The following WDR45B variants were observed in gnomAD, a reference collection of about 807,000 sequenced individuals.
WDR45B encodes the protein WD repeat domain 45B.
In WDR45B, 20 loss-of-function variants were observed where a neutral mutation model predicts 44.6. The observed-to-expected ratio is 0.45, with a 90% CI of 0.32 to 0.65. The LOEUF (loss-of-function observed/expected upper bound fraction) is 0.65. Among genes scored for constraint, WDR45B ranks in the 30% least tolerant of loss-of-function variants. The pLI is 0.05. For missense variants in WDR45B, 323 were observed against 430.2 expected, an observed-to-expected ratio of 0.75 and a Z score of 2.20; for synonymous variants, 169 against 164.9, an observed-to-expected ratio of 1.02 and a Z score of -0.19.
At chr17:82,621,509 C>A in intron 6 of WDR45B, 100 bp downstream of exon 6, 1 of 1,515,916 alleles carries the variant, frequency 6.6e-7, no homozygotes, top group Non-Finnish European at 9.1e-7. Flanking sequence ...CAGGTTGGGG[C>A]AGGCCCACTG....
Position 82,648,400 on chromosome 17 carries a change from G to GCCTGGTCCCTTCGGGCCGGCGC in WDR45B, c.-82_-61dup. On this transcript the variant is annotated 5_prime_UTR_variant, in exon 1 of 10. Transcript: ENST00000392325. ...TGCATGCCTCTCGCTGGGGACGGCG[G>GCCTGGTCCCTTCGGGCCGGCGC]CCTGGTCCCTTCGGGCCGGCGCTGA... 2 of 1,577,542 alleles carry GCCTGGTCCCTTCGGGCCGGCGC rather than the reference G, an allele frequency of 1.3e-6. No homozygotes were observed. Among genetic ancestry groups the GCCTGGTCCCTTCGGGCCGGCGC allele is most frequent in the South Asian group, 2.3e-5 (2 of 87,444 alleles).
chr17:82,640,184 A>C (rs1160131715), intron 2 of WDR45B, among the ~76,000 whole-genome samples: 1 of 152,084 alleles, frequency 6.6e-6, no homozygotes, highest in African/African-American at 2.4e-5. Flanking sequence ...CTCAGAGCCC[A>C]CAGTCTCCTT....
intron 3 of WDR45B, chr17:82,629,864 T>C: frequency 1.0e-6 from 1 of 985,258 alleles, no homozygotes; most frequent in Non-Finnish European, 1.2e-6. Flanking sequence ...CAGATCCTAG[T>C]TCACCCACTC....
intron 2 of WDR45B, among the ~76,000 whole-genome samples, chr17:82,641,264 C>A (rs1170990466): frequency 1.3e-5 from 2 of 152,086 alleles, no homozygotes; most frequent in Non-Finnish European, 2.9e-5. Flanking sequence ...ACCGTGCGGG[C>A]CGTCAAACTC....
chr17:82,647,939 G>A (rs1598284473), intron 1 of WDR45B, among the ~76,000 whole-genome samples: 2 of 149,050 alleles, frequency 1.3e-5, no homozygotes, highest in East Asian at 4.1e-4. Flanking sequence ...CGCGGGGAGG[G>A]GCGTCCGCGC....
At chr17:82,627,319 G>A (rs760549730) in intron 3 of WDR45B, 28 bp from the exon 4 acceptor site, 1 of 1,552,158 alleles carries the variant, frequency 6.4e-7, no homozygotes, top group South Asian at 1.1e-5. Flanking sequence ...AAAGATGAAT[G>A]CAGTCATCAG....
At chr17:82,631,585 TACA>T (rs2143321603) in intron 2 of WDR45B, among the ~76,000 whole-genome samples, 3 of 29,394 alleles carry the variant, frequency 1.0e-4, no homozygotes, top group African/African-American at 6.8e-4. Context: ...GTGCCCGGCC[TACA>T]GGACTCATTT....
intron 2 of WDR45B, among the ~76,000 whole-genome samples, chr17:82,641,731 C>A: frequency 6.6e-6 from 1 of 152,090 alleles, no homozygotes; most frequent in East Asian, 1.9e-4. Flanking sequence ...ACCGTCTCTA[C>A]CAAACATACA....
rs141265795 is a variant in WDR45B, at chr17:82,615,952, C to T, written c.1002G>A (p.Ala334=). Residue 334 remains alanine (A), a synonymous_variant, in exon 10 of 10, where the codon GCG becomes GCA. Transcript: ENST00000392325. The part of the protein sequence containing the change: ...PKGECIRDVY[A]QFLEMTDDKL Reference sequence around the variant, plus strand: ...TGTCATCGGTCATCTCTAGAAACTGCGCGTAGACATCTCGGATGCACTCCC... The same window carrying T: ...TGTCATCGGTCATCTCTAGAAACTGTGCGTAGACATCTCGGATGCACTCCC... 5.9e-5 allele frequency: 95 copies of T among 1,613,428 alleles called. No homozygotes were observed. The highest frequency in any genetic ancestry group is 6.7e-5 in the African/African-American group (5 of 74,712).
intron 2 of WDR45B, among the ~76,000 whole-genome samples, chr17:82,638,982 C>T (rs944664992): frequency 3.3e-5 from 5 of 151,818 alleles, no homozygotes; most frequent in African/African-American, 9.7e-5. Flanking sequence ...ACCACCATGC[C>T]CGGCTAATTT....
chr17:82,625,593 GAA>G (rs2045685267), intron 4 of WDR45B, 110 bp from the exon 5 acceptor site: 2 of 1,096,678 alleles, frequency 1.8e-6, no homozygotes, highest in East Asian at 5.2e-5. Context: ...ATACCACACA[GAA>G]AAGGAGTGTT....
chr17:82,620,415 A>C (rs1272410909), intron 6 of WDR45B, among the ~76,000 whole-genome samples: 1 of 151,922 alleles, frequency 6.6e-6, no homozygotes, highest in African/African-American at 2.4e-5. Context: ...CCTGGGTGAC[A>C]GAGCAAAACT....
chr17:82,615,652 G>A lies in WDR45B; in HGVS notation c.*267C>T, dbSNP rs1356796715. On this transcript the variant is annotated 3_prime_UTR_variant, in exon 10 of 10. Coordinates refer to ENST00000392325, the MANE Select transcript of WDR45B (RefSeq NM_019613.4). Reference sequence around the variant, plus strand: ...ATGCGGCGGAGCCACTGAAGCTAACGTCACAGCTGAACTCATGGGAACAGC... The same window carrying A: ...ATGCGGCGGAGCCACTGAAGCTAACATCACAGCTGAACTCATGGGAACAGC... 2.0e-5 allele frequency: 10 copies of A among 509,948 alleles called. No homozygotes were observed. The highest frequency in any genetic ancestry group is 8.2e-5 in the South Asian group (4 of 48,912). 31.6% of individuals were successfully genotyped at this position (509,948 alleles called of 1,614,324 possible). A position where few individuals can be genotyped will look rare whatever the true frequency, so the allele number is the denominator to read the frequency against.
At chr17:82,629,068 T>C (rs938563394) in intron 3 of WDR45B, among the ~76,000 whole-genome samples, 1 of 152,206 alleles carries the variant, frequency 6.6e-6, no homozygotes, top group Non-Finnish European at 1.5e-5. Context: ...AAAAAGTACA[T>C]TTACTCAAAA....
chr17:82,632,190 C>T (rs1442106127), intron 2 of WDR45B, among the ~76,000 whole-genome samples: 1 of 151,960 alleles, frequency 6.6e-6, no homozygotes. Flanking sequence ...GAAACAGGGT[C>T]TTGCTGTGTT....
In WDR45B at chr17:82,614,891, TAAAA is replaced by T. The variant is rs1298327201; in HGVS notation, c.*1024_*1027del. 1 of 152,078 alleles carries T rather than the reference TAAAA, an allele frequency of 6.6e-6. No homozygotes were observed. Among genetic ancestry groups the T allele is most frequent in the Admixed American group, 6.6e-5 (1 of 15,258 alleles). The allele number at this position is 152,078 out of a possible 1,614,324, so 9.4% of individuals were successfully genotyped here. A position where few individuals can be genotyped will look rare whatever the true frequency, so the allele number is the denominator to read the frequency against. On this transcript the variant is annotated 3_prime_UTR_variant, in exon 10 of 10. Coordinates refer to ENST00000392325, the MANE Select transcript of WDR45B (RefSeq NM_019613.4). ...AGCCCATAACCTAGTTACCAAATGT[TAAAA>T]AAAGTTATGTGCCTCTCCTTCCCAA...
chr17:82,620,922 T>C (rs2045606718), intron 6 of WDR45B, among the ~76,000 whole-genome samples: 1 of 152,156 alleles, frequency 6.6e-6, no homozygotes. Flanking sequence ...AAAAAGGGTT[T>C]TGAGCTGTGT....
chr17:82,640,983 T>TTTTTTTTTG (rs2045907594), intron 2 of WDR45B, among the ~76,000 whole-genome samples: 2 of 150,886 alleles, frequency 1.3e-5, no homozygotes, highest in South Asian at 2.1e-4. Context: ...TTTTTTTTTT[T>TTTTTTTTTG]GAGACGGAGT....
chr17:82,638,691 T>C (rs1203298554), intron 2 of WDR45B, among the ~76,000 whole-genome samples: 4 of 152,192 alleles, frequency 2.6e-5, no homozygotes, highest in Middle Eastern at 3.4e-3. Flanking sequence ...TGTCGTGCAG[T>C]CCCTGTTTCT....
Sources: allele counts gnomAD v4.1 joint callset (sites outside exome capture counted in the v4.1 genomes callset), GRCh38; gene constraint gnomAD v4.1.1; transcripts MANE v1.5; gene names NCBI Gene and HGNC (gene_info 2026-07-23, HGNC 2026-07-21).